The following NXPE2 variants were observed in gnomAD, a reference collection of about 807,000 sequenced individuals.
The protein encoded by NXPE2 is neurexophilin and PC-esterase domain family member 2, also known as NXPE family member 2.
NXPE2 carries 34 observed loss-of-function variants against 34.4 expected under a neutral mutation model. The observed-to-expected ratio is 0.99, with a 90% CI of 0.75 to 1.31. The LOEUF (loss-of-function observed/expected upper bound fraction) is 1.31, where lower values mean the gene tolerates loss of function less well. Ranked by LOEUF, NXPE2 falls within the 40% of genes most tolerant of loss-of-function variation. The pLI is 0.00. For missense variants in NXPE2, 649 were observed against 672.5 expected (o/e 0.97, Z 0.39); for synonymous variants, 235 against 231.3 (o/e 1.02, Z -0.15).
At chr11:114,675,429 G>A (rs1950847411), upstream of NXPE2, among the ~76,000 whole-genome samples, 1 of 151,738 alleles carries the variant, frequency 6.6e-6, no homozygotes, top group Non-Finnish European at 1.5e-5. Context: ...CCAAAAAACT[G>A]TTAGAACTGT....
chr11:114,770,447 G>T, the NXPE2 span, among the ~76,000 whole-genome samples: 2 of 152,228 alleles, frequency 1.3e-5, no homozygotes, highest in African/African-American at 4.8e-5. Flanking sequence ...GGACTGAGCT[G>T]CTACCAGGTG....
chr11:114,594,827 C>A, the NXPE2 span: 14 of 896,124 alleles, frequency 1.6e-5, no homozygotes, highest in Non-Finnish European at 2.5e-5. Context: ...GAAAAGCAAA[C>A]AAACATGGGA....
chr11:114,473,276 AG>A, the NXPE2 span, among the ~76,000 whole-genome samples: 7 of 152,208 alleles, frequency 4.6e-5, no homozygotes, highest in Non-Finnish European at 8.8e-5. Flanking sequence ...TTTGAGAATA[AG>A]TTCTTTGCTT....
the NXPE2 span, among the ~76,000 whole-genome samples, chr11:114,593,297 A>G: frequency 2.0e-5 from 3 of 152,188 alleles, no homozygotes; most frequent in African/African-American, 7.2e-5. Context: ...ATTACTATCC[A>G]GAGTATTCAA....
the NXPE2 span, among the ~76,000 whole-genome samples, chr11:114,575,902 A>C: frequency 2.6e-5 from 4 of 152,206 alleles, no homozygotes; most frequent in Non-Finnish European, 4.4e-5. Context: ...AAGTAAGACT[A>C]AGCAAAAAGA....
chr11:114,604,338 G>A, the NXPE2 span, among the ~76,000 whole-genome samples: 232 of 151,972 alleles, frequency 1.5e-3, no homozygotes, highest in African/African-American at 5.2e-3. Context: ...GTTGCTTCGT[G>A]GGTAACCACT....
the NXPE2 span, among the ~76,000 whole-genome samples, chr11:114,811,401 A>C: frequency 6.6e-6 from 1 of 152,126 alleles, no homozygotes; most frequent in African/African-American, 2.4e-5. Flanking sequence ...ACACACAAAA[A>C]AAAGGTAGGG....
the NXPE2 span, among the ~76,000 whole-genome samples, chr11:114,764,814 C>T: frequency 6.6e-6 from 1 of 152,194 alleles, no homozygotes; most frequent in African/African-American, 2.4e-5. Context: ...CTATCTCACT[C>T]ATGCTACGTG....
chr11:114,706,918 C>G lies in NXPE2; in HGVS notation c.1668C>G (p.Asn556Lys), dbSNP rs939330781. Residue 556 changes from asparagine (N) to lysine (K), a missense_variant, in exon 6 of 6, where the codon AAC becomes AAG. Coordinates refer to ENST00000389586, the MANE Select transcript of NXPE2 (RefSeq NM_182495.6). ...VIQNQIGMFLNYIC is the reference protein window; with the variant it reads ...VIQNQIGMFLKYIC ...AAAATCAGATTGGCATGTTCTTAAA[C>G]TACATTTGTTAGAGGAAAAATACAA... 2 of 1,545,260 alleles carry G rather than the reference C, an allele frequency of 1.3e-6. No individual in the cohort carries two copies. The highest frequency in any genetic ancestry group is 3.9e-5 in the Admixed American group (2 of 50,680).
the NXPE2 span, among the ~76,000 whole-genome samples, chr11:114,775,463 T>C: frequency 0.13 from 19,256 of 152,160 alleles, 1,267 homozygotes; most frequent in Admixed American, 0.2. Context: ...GGAGGGAGGA[T>C]CTTGCATCTC....
chr11:114,586,491 G>T, the NXPE2 span, among the ~76,000 whole-genome samples: 1 of 152,122 alleles, frequency 6.6e-6, no homozygotes, highest in Non-Finnish European at 1.5e-5. Flanking sequence ...AAAAGTTAGC[G>T]TGGCTACCAG....
At chr11:114,742,964 G>C in the NXPE2 span, among the ~76,000 whole-genome samples, 1 of 152,064 alleles carries the variant, frequency 6.6e-6, no homozygotes, top group Admixed American at 6.5e-5. Flanking sequence ...TTAAGACTGA[G>C]TTTTGGCACC....
At chr11:114,777,107 A>G in the NXPE2 span, among the ~76,000 whole-genome samples, 2 of 152,378 alleles carry the variant, frequency 1.3e-5, no homozygotes, top group East Asian at 3.9e-4. Context: ...ATTTTTATGA[A>G]GGACTTGCTT....
the NXPE2 span, among the ~76,000 whole-genome samples, chr11:114,577,035 A>C: frequency 3.2e-5 from 1 of 31,128 alleles, no homozygotes; most frequent in Admixed American, 3.3e-4. Flanking sequence ...ATACATATAT[A>C]TATATAAAGT....
chr11:114,709,353 C>T (rs1458104860), downstream of NXPE2, among the ~76,000 whole-genome samples: 5 of 152,124 alleles, frequency 3.3e-5, no homozygotes, highest in Non-Finnish European at 7.4e-5. Context: ...CAAAAAAAAT[C>T]ACCAAATGTT....
chr11:114,639,078 T>C, the NXPE2 span, among the ~76,000 whole-genome samples: 38 of 152,204 alleles, frequency 2.5e-4, no homozygotes, highest in Admixed American at 1.3e-4. Flanking sequence ...AGGTGGAGCC[T>C]ACAGAGGCAG....
At chr11:114,772,209 A>C in the NXPE2 span, among the ~76,000 whole-genome samples, 1 of 152,226 alleles carries the variant, frequency 6.6e-6, no homozygotes, top group African/African-American at 2.4e-5. Context: ...AAGATAAGAT[A>C]ACTAAGTAGA....
At chr11:114,505,332 C>T in the NXPE2 span, among the ~76,000 whole-genome samples, 1 of 152,170 alleles carries the variant, frequency 6.6e-6, no homozygotes, top group African/African-American at 2.4e-5. Context: ...ACTTCCCCAA[C>T]CTAGCTAGAG....
At chr11:114,704,306 T>C (rs1444454116) in intron 4 of NXPE2, among the ~76,000 whole-genome samples, 1 of 146,868 alleles carries the variant, frequency 6.8e-6, no homozygotes, top group Non-Finnish European at 1.5e-5. Context: ...TGCCTCAAAA[T>C]GTACAGGCTA....
Sources: gnomAD v4.1 joint callset for allele counts (sites outside exome capture counted in the v4.1 genomes callset) on GRCh38, gnomAD v4.1.1 for gene constraint, MANE v1.5 for transcripts, NCBI Gene and HGNC (gene_info 2026-07-23, HGNC 2026-07-21) for gene names.